HS1BP3: variants seen among roughly 807,000 people sequenced by gnomAD.
HS1BP3 encodes HCLS1-binding protein 3.
A neutral mutation model predicts 33.5 loss-of-function variants in HS1BP3; 32 were observed. The ratio of observed to expected loss-of-function variants is 0.95; its 90% CI spans 0.72 to 1.28. HS1BP3 has a LOEUF of 1.28. Ranked by LOEUF, HS1BP3 falls within the 50% of genes most tolerant of loss-of-function variation. The pLI, the probability that HS1BP3 is intolerant of heterozygous loss-of-function variation, is 0.00. For missense variants in HS1BP3, 486 were observed against 502.3 expected, an observed-to-expected ratio of 0.97 and a Z score of 0.31; for synonymous variants, 187 against 209.2, an observed-to-expected ratio of 0.89 and a Z score of 0.92.
At position 20,638,609 on chromosome 2, in the gene HS1BP3, G is replaced by A. The variant is rs745915998; in HGVS notation, c.450C>T (p.Ser150=). 94 of 1,614,044 alleles carry A rather than the reference G, an allele frequency of 5.8e-5. No individual in the cohort carries two copies. The highest frequency in any genetic ancestry group is 5.3e-5 in the Non-Finnish European group (62 of 1,180,006). ...PGAAGLTSRD[S]SVLDGTDSQT... is the part of the protein sequence containing the mutation. Reference sequence around the variant, plus strand: ...GACTGTCTGTGCCATCCAGGACAGAGGAATCTCTGCTGGTGAGCCCTGCAG... The same window carrying A: ...GACTGTCTGTGCCATCCAGGACAGAAGAATCTCTGCTGGTGAGCCCTGCAG... The change falls in exon 4 of 7, where the codon TCC becomes TCT. Residue 150 remains serine (S), a synonymous_variant. Coordinates refer to ENST00000304031, the MANE Select transcript of HS1BP3 (RefSeq NM_022460.4).
At chr2:20,567,770 G>A (rs973602695) in intron 5 of HS1BP3, among the ~76,000 whole-genome samples, 2 of 152,192 alleles carry the variant, frequency 1.3e-5, no homozygotes, top group Non-Finnish European at 2.9e-5. Context: ...CCCAGTCCCT[G>A]GGAGTAGCTG....
intron 6 of HS1BP3, among the ~76,000 whole-genome samples, chr2:20,619,542 G>A (rs1572338353): frequency 6.6e-6 from 1 of 152,132 alleles, no homozygotes; most frequent in Non-Finnish European, 1.5e-5. Context: ...CTTGACACAC[G>A]CTGCCTTCTG....
intron 3 of HS1BP3, among the ~76,000 whole-genome samples, chr2:20,594,553 T>C (rs1283694170): frequency 6.6e-6 from 1 of 152,198 alleles, no homozygotes; most frequent in Non-Finnish European, 1.5e-5. Flanking sequence ...CAGGTGGCCA[T>C]AGTGCTTGGT....
intron 1 of HS1BP3, 148 bp downstream of exon 1, chr2:20,650,884 C>T: frequency 9.7e-6 from 6 of 615,436 alleles, no homozygotes; most frequent in Non-Finnish European, 4.7e-6. Flanking sequence ...CAGGGCGGTG[C>T]AGGGGCCCAG....
chr2:20,634,657 G>C (rs555520622), intron 4 of HS1BP3: 1 of 152,378 alleles, frequency 6.6e-6, no homozygotes, highest in South Asian at 2.1e-4. Flanking sequence ...AGCAAATCTG[G>C]GAGCACCTGG....
At chr2:20,593,030 C>G (rs1344245110) in intron 3 of HS1BP3, among the ~76,000 whole-genome samples, 2 of 152,178 alleles carry the variant, frequency 1.3e-5, no homozygotes, top group Non-Finnish European at 2.9e-5. Context: ...CTGGCCTTAT[C>G]CATGACCTCC....
At chr2:20,606,444 C>G in intron 2 of HS1BP3, 1 of 479,044 alleles carries the variant, frequency 2.1e-6, no homozygotes, top group Non-Finnish European at 4.2e-6. Flanking sequence ...GACACCATAG[C>G]TGGGGTTATA....
intron 4 of HS1BP3, among the ~76,000 whole-genome samples, chr2:20,626,733 TCAGGCCCTGC>T (rs1694798075): frequency 1.3e-5 from 2 of 152,028 alleles, no homozygotes; most frequent in African/African-American, 4.8e-5. Flanking sequence ...TGCACCACCC[TCAGGCCCTGC>T]TTGTGGTGCT....
chr2:20,561,336 G>C (rs548922030), intron 5 of HS1BP3, among the ~76,000 whole-genome samples: 4 of 152,346 alleles, frequency 2.6e-5, no homozygotes, highest in Admixed American at 1.3e-4. Flanking sequence ...CTGACTCAGG[G>C]CCTGCAGAGA....
At position 20,619,252 on chromosome 2, in the gene HS1BP3, A is replaced by G. The variant is rs1694519501; in HGVS notation, c.921-7T>C. On this transcript the variant is annotated splice_polypyrimidine_tract_variant and splice_region_variant and intron_variant, in intron 6 of 6. Transcript: ENST00000304031. ...GTCCAAGTCCTCTTCAACTCTAGGGAACCACAGGGAGGAACCCTGAGCATA... is the reference window on the plus strand; with the variant it reads ...GTCCAAGTCCTCTTCAACTCTAGGGGACCACAGGGAGGAACCCTGAGCATA... 6.3e-7 allele frequency: 1 copy of G among 1,588,812 alleles called. No homozygotes were observed. Among genetic ancestry groups the G allele is most frequent in the Non-Finnish European group, 8.6e-7 (1 of 1,166,038 alleles).
chr2:20,610,178 G>C (rs953879229), intron 2 of HS1BP3, among the ~76,000 whole-genome samples: 2 of 152,140 alleles, frequency 1.3e-5, no homozygotes, highest in African/African-American at 2.4e-5. Flanking sequence ...CACCAGAGTG[G>C]GACATTTACC....
intron 2 of HS1BP3, among the ~76,000 whole-genome samples, chr2:20,602,234 G>A (rs1409831482): frequency 2.0e-5 from 3 of 151,232 alleles, no homozygotes; most frequent in Non-Finnish European, 4.4e-5. Context: ...TTTATTTCTG[G>A]CCTCTGTGCC....
intron 5 of HS1BP3, among the ~76,000 whole-genome samples, chr2:20,570,681 C>T (rs1693245057): frequency 6.6e-6 from 1 of 152,160 alleles, no homozygotes; most frequent in East Asian, 1.9e-4. Flanking sequence ...CAAGAACTGC[C>T]CAAGTGAGTT....
chr2:20,567,071 C>T (rs1173661314), intron 5 of HS1BP3, among the ~76,000 whole-genome samples: 4 of 152,202 alleles, frequency 2.6e-5, no homozygotes, highest in Non-Finnish European at 5.9e-5. Context: ...CTAGAAGCCA[C>T]CCTGCTCACC....
chr2:20,601,655 C>G (rs1040253511), intron 2 of HS1BP3, among the ~76,000 whole-genome samples: 1 of 152,026 alleles, frequency 6.6e-6, no homozygotes, highest in South Asian at 2.1e-4. Flanking sequence ...TGTAAGAGGT[C>G]CCTTTGCTCT....
At chr2:20,583,641 C>A (rs1693591966) in intron 5 of HS1BP3, among the ~76,000 whole-genome samples, 2 of 152,206 alleles carry the variant, frequency 1.3e-5, no homozygotes, top group South Asian at 2.1e-4. Flanking sequence ...GGGGAGGAGG[C>A]ACCAGCCCAC....
intron 2 of HS1BP3, among the ~76,000 whole-genome samples, chr2:20,598,510 G>C (rs1191789535): frequency 6.7e-6 from 1 of 150,222 alleles, no homozygotes; most frequent in Non-Finnish European, 1.5e-5. Context: ...TGTGCAGCCC[G>C]GTTCCTAACA....
At chr2:20,634,292 G>A (rs1206168544) in intron 4 of HS1BP3, among the ~76,000 whole-genome samples, 1 of 152,242 alleles carries the variant, frequency 6.6e-6, no homozygotes, top group Non-Finnish European at 1.5e-5. Context: ...TTCTCAAACA[G>A]GAGCTTGCGG....
At position 20,605,463 on chromosome 2, in the gene HS1BP3, C is replaced by A. The variant is rs897548573; in HGVS notation, c.179-7198G>T. Reference sequence around the variant, plus strand: ...TAAAATACACATCACATAAAATTTACCATTTTAACCATTTTAAAGGGTACA... The same window carrying A: ...TAAAATACACATCACATAAAATTTAACATTTTAACCATTTTAAAGGGTACA... On this transcript the variant is annotated intron_variant, in intron 2 of 3. Transcript: ENST00000415264. Among the ~76,000 whole-genome samples, 3 of 152,226 alleles carry A rather than the reference C, an allele frequency of 2.0e-5. No individual in the cohort carries two copies. The South Asian group carries it at 6.2e-4, about 32-fold the overall frequency.
Sources: allele counts gnomAD v4.1 joint callset (sites outside exome capture counted in the v4.1 genomes callset), GRCh38; gene constraint gnomAD v4.1.1; transcripts MANE v1.5; gene names NCBI Gene and HGNC (gene_info 2026-07-23, HGNC 2026-07-21).